CTIF: variants seen among roughly 807,000 people sequenced by gnomAD.
The protein encoded by CTIF is cap binding complex dependent translation initiation factor.
In CTIF, 21 loss-of-function variants were observed where a neutral mutation model predicts 66.0. The ratio of observed to expected loss-of-function variants is 0.32; its 90% CI spans 0.23 to 0.46. The LOEUF (loss-of-function observed/expected upper bound fraction) is 0.46, where lower values mean the gene tolerates loss of function less well. Ranked by LOEUF, CTIF falls within the 20% of genes least tolerant of loss-of-function variation. The pLI is 1.00. For synonymous variants in CTIF, 345 were observed against 326.4 expected (o/e 1.06, Z -0.62); for missense variants, 739 against 812.7 (o/e 0.91, Z 1.10).
chr18:48,723,157 C>T (rs193097411), intron 7 of CTIF, among the ~76,000 whole-genome samples: 23 of 152,290 alleles, frequency 1.5e-4, no homozygotes, highest in Non-Finnish European at 2.5e-4. Flanking sequence ...CCTCCTTCCC[C>T]ATCTGCAGAC....
chr18:48,548,544 A>G (rs1421000995), intron 1 of CTIF, among the ~76,000 whole-genome samples: 1 of 152,226 alleles, frequency 6.6e-6, no homozygotes, highest in Non-Finnish European at 1.5e-5. Flanking sequence ...CATATTCAGC[A>G]GATTGGGTAA....
intron 1 of CTIF, among the ~76,000 whole-genome samples, chr18:48,559,509 G>T (rs1400072151): frequency 6.6e-6 from 1 of 152,176 alleles, no homozygotes; most frequent in African/African-American, 2.4e-5. Context: ...CCAAAACTTA[G>T]TGGCTTAAAC....
Position 48,761,383 on chromosome 18 carries a change from C to A in CTIF, c.1072-7C>A, listed in dbSNP as rs1396634228. ...CAGGCACATTCATTTGTCTCCGACA[C>A]CCCCAGGATGAAGTGGCCGTGGAGA... On this transcript the variant is annotated splice_region_variant and splice_polypyrimidine_tract_variant and intron_variant, in intron 8 of 11. Transcript: ENST00000256413. The surrounding 1 kb of genome is among the most constrained non-coding windows in gnomAD (Gnocchi z 4.2). The A allele has an allele frequency of 1.9e-6, 3 of 1,611,158 alleles. No homozygotes were observed. The highest frequency in any genetic ancestry group is 2.5e-6 in the Non-Finnish European group (3 of 1,178,278).
chr18:48,766,869 G>A (rs903277822), intron 9 of CTIF, among the ~76,000 whole-genome samples: 3 of 69,896 alleles, frequency 4.3e-5, no homozygotes, highest in Non-Finnish European at 7.2e-5. Context: ...TGAGATGAAA[G>A]CCACCTCTTC....
At chr18:48,657,090 A>T (rs74896792) in intron 3 of CTIF, among the ~76,000 whole-genome samples, 1 of 152,210 alleles carries the variant, frequency 6.6e-6, no homozygotes, top group Non-Finnish European at 1.5e-5. Flanking sequence ...GAGTTAACAG[A>T]AAGTGTGTTA....
At chr18:48,666,559 T>G (rs1458031422) in intron 5 of CTIF, among the ~76,000 whole-genome samples, 1 of 152,236 alleles carries the variant, frequency 6.6e-6, no homozygotes, top group Middle Eastern at 3.2e-3. Flanking sequence ...TGTGTGTTGC[T>G]GGGGAGAGGC....
intron 9 of CTIF, among the ~76,000 whole-genome samples, chr18:48,804,452 G>A (rs561754649): frequency 5.9e-5 from 9 of 152,290 alleles, no homozygotes; most frequent in African/African-American, 1.9e-4. Flanking sequence ...GCCAGGACGT[G>A]GCATGATGGC....
intron 6 of CTIF, among the ~76,000 whole-genome samples, chr18:48,673,136 C>T (rs543981556): frequency 6.6e-6 from 1 of 152,314 alleles, no homozygotes; most frequent in East Asian, 1.9e-4. Context: ...CCCACCACGT[C>T]GCACCTGCTT....
intron 9 of CTIF, among the ~76,000 whole-genome samples, chr18:48,772,343 C>T (rs553641483): frequency 7.9e-5 from 12 of 152,292 alleles, no homozygotes; most frequent in African/African-American, 2.6e-4. Context: ...AATTCACCAT[C>T]TGAACTAGTT....
chr18:48,550,360 G>A (rs2088853566), intron 1 of CTIF, among the ~76,000 whole-genome samples: 1 of 152,236 alleles, frequency 6.6e-6, no homozygotes. Flanking sequence ...GGGTTGGGGA[G>A]AGGAATTGGT....
At chr18:48,560,471 C>T (rs1783161738) in intron 1 of CTIF, among the ~76,000 whole-genome samples, 1 of 152,106 alleles carries the variant, frequency 6.6e-6, no homozygotes, top group Non-Finnish European at 1.5e-5. Context: ...GTGATCTGCC[C>T]ACCTCGGCCT....
At chr18:48,663,952 G>A (rs1448200061) in intron 4 of CTIF, 127 bp downstream of exon 4, 15 of 875,386 alleles carry the variant, frequency 1.7e-5, no homozygotes, top group Non-Finnish European at 2.6e-5. Flanking sequence ...GGGGATGTAG[G>A]AAGGATGGGG....
In CTIF at chr18:48,786,852, C is replaced by A. The variant is rs533514457; in HGVS notation, c.1371+25163C>A. Among the ~76,000 whole-genome samples the A allele has an allele frequency of 1.1e-3, 164 of 151,948 alleles. 3 individuals carry two copies. Among genetic ancestry groups the A allele is most frequent in the Admixed American group, 0.01 (156 of 15,288 alleles). On this transcript the variant is annotated intron_variant, in intron 9 of 11. Coordinates refer to ENST00000256413, the MANE Select transcript of CTIF (RefSeq NM_014772.3). ...CCATGGTCATTACCACCCTTCCCCC[C>A]ACCCACCCCCAGTCAAATACTGACT...
At chr18:48,776,235 C>T (rs918120043) in intron 9 of CTIF, among the ~76,000 whole-genome samples, 3 of 152,210 alleles carry the variant, frequency 2.0e-5, no homozygotes, top group South Asian at 2.1e-4. Context: ...GTAGGGATGC[C>T]CACCTCCATA....
chr18:48,723,446 A>C (rs2092359538), intron 7 of CTIF, among the ~76,000 whole-genome samples: 1 of 152,162 alleles, frequency 6.6e-6, no homozygotes, highest in African/African-American at 2.4e-5. Context: ...TCCTGCCCAT[A>C]GATTACTTTC....
intron 1 of CTIF, among the ~76,000 whole-genome samples, chr18:48,594,362 A>T (rs1027188486): frequency 8.1e-5 from 11 of 134,986 alleles, no homozygotes; most frequent in Non-Finnish European, 3.1e-5. Context: ...CTCGAAAATT[A>T]TATAGCCAGT....
intron 1 of CTIF, among the ~76,000 whole-genome samples, chr18:48,562,220 G>A (rs2089178598): frequency 6.6e-6 from 1 of 152,190 alleles, no homozygotes; most frequent in African/African-American, 2.4e-5. Context: ...TTAACTTACT[G>A]CTTAATCCTT....
intron 1 of CTIF, among the ~76,000 whole-genome samples, chr18:48,607,802 G>A (rs10438975): frequency 4.5e-4 from 69 of 152,238 alleles, no homozygotes; most frequent in Admixed American, 9.8e-4. Context: ...ATGCACAGCC[G>A]AGTTTCTGCT....
At chr18:48,812,441 C>T (rs2068277517) in intron 9 of CTIF, among the ~76,000 whole-genome samples, 1 of 152,118 alleles carries the variant, frequency 6.6e-6, no homozygotes, top group South Asian at 2.1e-4. Flanking sequence ...GAATTTTTAA[C>T]CTCAAATAAA....
Sources: gnomAD v4.1 joint callset for allele counts (sites outside exome capture counted in the v4.1 genomes callset) on GRCh38, gnomAD v4.1.1 for gene constraint, Gnocchi (gnomAD v3.1) non-coding constraint, MANE v1.5 for transcripts, NCBI Gene and HGNC (gene_info 2026-07-23, HGNC 2026-07-21) for gene names.